The following LRP1B variants were observed in gnomAD, a reference collection of about 807,000 sequenced individuals.
The protein encoded by LRP1B is LDL receptor related protein 1B.
A neutral mutation model predicts 556.6 loss-of-function variants in LRP1B; 217 were observed. The ratio of observed to expected loss-of-function variants is 0.39; its 90% CI spans 0.35 to 0.44. The LOEUF is 0.44. Among genes scored for constraint, LRP1B ranks in the 20% least tolerant of loss-of-function variants. The pLI is 1.00. For synonymous variants in LRP1B, 2,047 were observed against 1,865.8 expected (o/e 1.10, Z -2.50); for missense variants, 5,053 against 5,620.8 (o/e 0.90, Z 3.23).
In LRP1B at chr2:140,389,682, T is replaced by C. The variant is rs1013201470; in HGVS notation, c.10415-3673A>G. 2.1e-4 allele frequency among the ~76,000 whole-genome samples: 32 copies of C among 148,864 alleles called. 1 individual carries two copies. The highest frequency in any genetic ancestry group is 1.9e-3 in the Admixed American group (28 of 14,864). ...ATGGATTAGAAAACTGAAAATGTTG[T>C]TTAAAATGTTCATTTTTTCCAAAGT... is the stretch of plus-strand genomic sequence containing the variant. On this transcript the variant is annotated intron_variant, in intron 66 of 90. Coordinates refer to ENST00000389484, the MANE Select transcript of LRP1B (RefSeq NM_018557.3).
chr2:140,766,844 T>TATATATATATATATATATATATATA (rs1491148843), intron 35 of LRP1B, among the ~76,000 whole-genome samples: 3 of 54,932 alleles, frequency 5.5e-5, no homozygotes, highest in East Asian at 5.8e-4. Context: ...TATATATATA[T>TATATATATATATATATATATATATA]TATATATATA....
chr2:141,980,281 C>A (rs973268954), intron 1 of LRP1B, among the ~76,000 whole-genome samples: 1 of 151,970 alleles, frequency 6.6e-6, no homozygotes, highest in Non-Finnish European at 1.5e-5. Flanking sequence ...GAACAGTTCC[C>A]GACTGCCTGA....
intron 41 of LRP1B, 79 bp downstream of exon 41, chr2:140,700,171 T>G: frequency 8.1e-7 from 1 of 1,234,296 alleles, no homozygotes; most frequent in Non-Finnish European, 1.2e-6. Context: ...AATTGCTACA[T>G]GCAATTACCA....
chr2:141,099,144 A>T (rs1700398845), intron 7 of LRP1B, among the ~76,000 whole-genome samples: 1 of 152,178 alleles, frequency 6.6e-6, no homozygotes, highest in Admixed American at 6.5e-5. Flanking sequence ...ATTTAATGCC[A>T]AAGGACTTGT....
At chr2:140,892,489 A>G (rs1243156618) in intron 23 of LRP1B, among the ~76,000 whole-genome samples, 1 of 152,218 alleles carries the variant, frequency 6.6e-6, no homozygotes, top group African/African-American at 2.4e-5. Context: ...AAGCAATGAT[A>G]TATCATGTTA....
At chr2:141,234,181 T>TTC (rs1170521579) in intron 5 of LRP1B, among the ~76,000 whole-genome samples, 1 of 151,980 alleles carries the variant, frequency 6.6e-6, no homozygotes, top group Non-Finnish European at 1.5e-5. Context: ...AGGTTTTTTT[T>TTC]TCAGATTTAC....
intron 41 of LRP1B, among the ~76,000 whole-genome samples, chr2:140,605,389 A>C (rs1244709602): frequency 6.6e-6 from 1 of 152,148 alleles, no homozygotes; most frequent in East Asian, 1.9e-4. Flanking sequence ...TCCAGATCTG[A>C]TGTTGAACTC....
intron 2 of LRP1B, among the ~76,000 whole-genome samples, chr2:141,645,610 T>C (rs453314): frequency 0.61 from 91,818 of 151,306 alleles, 28,203 homozygotes; most frequent in African/African-American, 0.7. Context: ...ACCAAACATT[T>C]AATCCTAGAA....
intron 2 of LRP1B, among the ~76,000 whole-genome samples, chr2:141,633,920 T>G (rs964466022): frequency 9.2e-5 from 14 of 152,042 alleles, no homozygotes; most frequent in African/African-American, 3.4e-4. Flanking sequence ...TATGTTCCAT[T>G]TAGGAAAAGA....
At chr2:141,239,496 G>T (rs1223663949) in intron 5 of LRP1B, among the ~76,000 whole-genome samples, 1 of 151,932 alleles carries the variant, frequency 6.6e-6, no homozygotes, top group African/African-American at 2.4e-5. Flanking sequence ...TGATGTGAAT[G>T]ACCTAAGAGA....
chr2:141,812,984 C>T (rs1324679430), intron 1 of LRP1B, among the ~76,000 whole-genome samples: 1 of 151,744 alleles, frequency 6.6e-6, no homozygotes, highest in Non-Finnish European at 1.5e-5. Flanking sequence ...TGAGCCTGCT[C>T]ATGGTGGGGA....
Position 141,181,508 on chromosome 2 carries a change from G to T in LRP1B, c.1013+6913C>A, listed in dbSNP as rs1400041289. On this transcript the variant is annotated intron_variant, in intron 7 of 90. Coordinates refer to ENST00000389484, the MANE Select transcript of LRP1B (RefSeq NM_018557.3). ...AAACAGAGTTGTGCACTCAGTAATTGAGAGGGAGGTTTAACAGACTTTGAA... is the reference window on the plus strand; with the variant it reads ...AAACAGAGTTGTGCACTCAGTAATTTAGAGGGAGGTTTAACAGACTTTGAA... 3.3e-5 allele frequency among the ~76,000 whole-genome samples: 5 copies of T among 151,886 alleles called. 1 individual carries two copies. In the South Asian group the frequency reaches 1.0e-3, roughly 31 times the overall value.
At chr2:141,388,332 A>G (rs991743613) in intron 3 of LRP1B, among the ~76,000 whole-genome samples, 12 of 152,118 alleles carry the variant, frequency 7.9e-5, no homozygotes, top group Admixed American at 1.3e-4. Flanking sequence ...GCTACTTGGG[A>G]GGCTGAGGCA....
chr2:140,620,455 T>A (rs1188367642), intron 41 of LRP1B, among the ~76,000 whole-genome samples: 1 of 152,234 alleles, frequency 6.6e-6, no homozygotes, highest in Non-Finnish European at 1.5e-5. Context: ...GTTACATTTA[T>A]CCTCTTCGCC....
rs192948453 is a variant in LRP1B, at chr2:140,858,043, T to C, written c.4580-6260A>G. 1.4e-4 allele frequency among the ~76,000 whole-genome samples: 21 copies of C among 152,258 alleles called. 1 individual carries two copies. The highest frequency in any genetic ancestry group is 4.1e-4 in the African/African-American group (17 of 41,556). On this transcript the variant is annotated intron_variant, in intron 27 of 90. Coordinates refer to ENST00000389484, the MANE Select transcript of LRP1B (RefSeq NM_018557.3). ...GACAGTGGTTCTCAATCCTTGGAGA[T>C]GGTGGTGATTTTGCCTCCCAAGAAA...
chr2:141,209,106 G>T (rs1034369832), intron 6 of LRP1B, among the ~76,000 whole-genome samples: 1 of 151,908 alleles, frequency 6.6e-6, no homozygotes, highest in African/African-American at 2.4e-5. Context: ...TAACAAGAAA[G>T]TATTCAGTAC....
chr2:141,545,682 T>A (rs1685525593), intron 2 of LRP1B, among the ~76,000 whole-genome samples: 1 of 152,022 alleles, frequency 6.6e-6, no homozygotes, highest in Admixed American at 6.6e-5. Flanking sequence ...AATCTCTAAA[T>A]AATAATAGTA....
intron 3 of LRP1B, among the ~76,000 whole-genome samples, chr2:141,444,256 G>A (rs1296061173): frequency 2.0e-5 from 3 of 152,152 alleles, no homozygotes; most frequent in African/African-American, 7.2e-5. Context: ...GTATTGAAAT[G>A]CTTGTGATTT....
chr2:141,661,049 CG>C (rs1690201170), intron 2 of LRP1B, among the ~76,000 whole-genome samples: 1 of 152,038 alleles, frequency 6.6e-6, no homozygotes, highest in African/African-American at 2.4e-5. Flanking sequence ...GATCTGGAGT[CG>C]GGGACCACCA....
Sources: allele counts gnomAD v4.1 joint callset (sites outside exome capture counted in the v4.1 genomes callset), GRCh38; gene constraint gnomAD v4.1.1; transcripts MANE v1.5; gene names NCBI Gene and HGNC (gene_info 2026-07-23, HGNC 2026-07-21).